GRM7: variants seen among roughly 807,000 people sequenced by gnomAD.
GRM7 encodes the protein glutamate metabotropic receptor 7, also known as metabotropic glutamate receptor 7.
In GRM7, 35 loss-of-function variants were observed where a neutral mutation model predicts 84.5. The ratio of observed to expected loss-of-function variants is 0.41; its 90% CI spans 0.32 to 0.55. The LOEUF (loss-of-function observed/expected upper bound fraction) is 0.55, where lower values mean the gene tolerates loss of function less well. Ranked by LOEUF, GRM7 falls within the 20% of genes least tolerant of loss-of-function variation. The pLI is 0.19. For missense variants in GRM7, 1,003 were observed against 1,194.6 expected, an observed-to-expected ratio of 0.84 and a Z score of 2.36; for synonymous variants, 487 against 455.1, an observed-to-expected ratio of 1.07 and a Z score of -0.89.
At chr3:7,326,290 T>TG (rs34680128) in intron 4 of GRM7, among the ~76,000 whole-genome samples, 64,424 of 151,854 alleles carry the variant, frequency 0.42, 13,719 homozygotes, top group Middle Eastern at 0.49. Flanking sequence ...GTCTCACTTC[T>TG]TCAGTGTTGG....
chr3:7,710,268 T>C (rs948945148), intron 9 of GRM7, among the ~76,000 whole-genome samples: 4 of 152,168 alleles, frequency 2.6e-5, no homozygotes, highest in African/African-American at 9.7e-5. Flanking sequence ...AAAGAATGCG[T>C]AATGCAAAAG....
intron 1 of GRM7, among the ~76,000 whole-genome samples, chr3:7,061,999 G>C (rs1299094202): frequency 6.6e-6 from 1 of 151,652 alleles, no homozygotes; most frequent in Non-Finnish European, 1.5e-5. Flanking sequence ...GAGAGGCTTT[G>C]CTTGTGTTTC....
At chr3:7,558,825 G>A (rs1173740163) in intron 7 of GRM7, among the ~76,000 whole-genome samples, 3 of 152,082 alleles carry the variant, frequency 2.0e-5, no homozygotes, top group African/African-American at 7.2e-5. Context: ...CTGTTGACAT[G>A]GTAACTGTTT....
At chr3:7,651,459 C>T (rs1053793206) in intron 8 of GRM7, among the ~76,000 whole-genome samples, 7 of 152,116 alleles carry the variant, frequency 4.6e-5, no homozygotes, top group South Asian at 2.1e-4. Context: ...TTTGCTGGAC[C>T]GAAGAGGTAA....
chr3:6,884,961 G>A (rs190697161), intron 1 of GRM7, among the ~76,000 whole-genome samples: 50 of 152,266 alleles, frequency 3.3e-4, no homozygotes, highest in Admixed American at 2.0e-3. Context: ...AGAATGATGA[G>A]TGGTGATGTT....
chr3:7,321,658 A>G (rs1225132030), intron 4 of GRM7, among the ~76,000 whole-genome samples: 35 of 150,968 alleles, frequency 2.3e-4, no homozygotes, highest in Non-Finnish European at 7.4e-5. Context: ...AAAGTCAATC[A>G]CTCTGACACT....
At position 7,465,134 on chromosome 3, in the gene GRM7, G is replaced by C. The variant is rs948208194; in HGVS notation, c.1515+3412G>C. Among the ~76,000 whole-genome samples the C allele has an allele frequency of 5.3e-5, 8 of 152,248 alleles. No homozygotes were observed. In the South Asian group the frequency reaches 1.0e-3, roughly 20 times the overall value. Reference sequence around the variant, plus strand: ...TGAGTTTATGCTAGCTAAATCAGGGGTTTGTTCTTGGCTTGGAACTAAGTG... The same window carrying C: ...TGAGTTTATGCTAGCTAAATCAGGGCTTTGTTCTTGGCTTGGAACTAAGTG... On this transcript the variant is annotated intron_variant, in intron 7 of 9. Transcript: ENST00000357716.
intron 7 of GRM7, among the ~76,000 whole-genome samples, chr3:7,541,970 C>T (rs999912894): frequency 2.0e-5 from 3 of 152,146 alleles, no homozygotes; most frequent in African/African-American, 7.2e-5. Context: ...AAATCCTTGG[C>T]ATTCTCTGGC....
At chr3:7,172,607 A>G (rs1448801150) in intron 2 of GRM7, among the ~76,000 whole-genome samples, 1 of 141,580 alleles carries the variant, frequency 7.1e-6, no homozygotes, top group South Asian at 2.2e-4. Flanking sequence ...AAATGGCATC[A>G]TTGCACATGG....
intron 1 of GRM7, among the ~76,000 whole-genome samples, chr3:7,106,855 C>T (rs1692668217): frequency 6.6e-6 from 1 of 151,944 alleles, no homozygotes. Context: ...GTAAGGAAGC[C>T]CTGCCCAGTT....
intron 1 of GRM7, among the ~76,000 whole-genome samples, chr3:6,978,458 G>A (rs1694078757): frequency 6.6e-6 from 1 of 152,076 alleles, no homozygotes; most frequent in South Asian, 2.1e-4. Context: ...ATATAGCAAG[G>A]GCACTGGAAA....
chr3:7,208,949 T>C (rs936934023), intron 2 of GRM7, among the ~76,000 whole-genome samples: 5 of 152,186 alleles, frequency 3.3e-5, no homozygotes, highest in African/African-American at 1.2e-4. Context: ...CAGATGCTCC[T>C]TGACTTACGA....
In GRM7 at chr3:7,728,642, C is replaced by A. The variant is rs1575676025; in HGVS notation, c.2699-11715C>A. On this transcript the variant is annotated intron_variant, in intron 9 of 9. Transcript: ENST00000357716. ...GACTTACCCCAGGTTTCAGGAGAAG[C>A]CTGAGCAAGGCTCTTATGGAACATG... Among the ~76,000 whole-genome samples the A allele has an allele frequency of 2.6e-5, 4 of 152,166 alleles. No homozygotes were observed. The South Asian group carries it at 6.2e-4, about 24-fold the overall frequency.
chr3:7,461,207 G>C (rs1159398855), intron 6 of GRM7, among the ~76,000 whole-genome samples: 1 of 152,098 alleles, frequency 6.6e-6, no homozygotes, highest in Non-Finnish European at 1.5e-5. Context: ...TTTAGTGTTA[G>C]ATGGAAACTA....
intron 2 of GRM7, among the ~76,000 whole-genome samples, chr3:7,162,728 C>CTT (rs1559478421): frequency 1.8e-5 from 1 of 57,102 alleles, no homozygotes. Flanking sequence ...TCCCATTTTT[C>CTT]ATTTTTTTTT....
chr3:6,933,791 G>T (rs955554273), intron 1 of GRM7, among the ~76,000 whole-genome samples: 1 of 151,054 alleles, frequency 6.6e-6, no homozygotes, highest in African/African-American at 2.4e-5. Context: ...GTACAAAACT[G>T]TGCCAGAGTG....
chr3:7,283,866 C>T (rs1699337359), intron 2 of GRM7, among the ~76,000 whole-genome samples: 1 of 152,172 alleles, frequency 6.6e-6, no homozygotes, highest in Admixed American at 6.5e-5. Context: ...TCTGGCCCGA[C>T]ATTTTATTTT....
At chr3:7,346,968 T>G (rs1382912542) in intron 4 of GRM7, among the ~76,000 whole-genome samples, 1 of 152,136 alleles carries the variant, frequency 6.6e-6, no homozygotes, top group Non-Finnish European at 1.5e-5. Context: ...ACCTACACTT[T>G]CTAAAAGAAG....
chr3:7,695,107 A>G (rs1700968430), intron 9 of GRM7, among the ~76,000 whole-genome samples: 1 of 152,224 alleles, frequency 6.6e-6, no homozygotes, highest in Admixed American at 6.5e-5. Context: ...CACAAGTGGC[A>G]TCTACCATGT....
Sources: gnomAD v4.1 joint callset for allele counts (sites outside exome capture counted in the v4.1 genomes callset) on GRCh38, gnomAD v4.1.1 for gene constraint, MANE v1.5 for transcripts, NCBI Gene and HGNC (gene_info 2026-07-23, HGNC 2026-07-21) for gene names.